Variants in NAALADL2 observed in about 807,000 individuals in gnomAD.
NAALADL2 encodes the protein inactive N-acetylated-alpha-linked acidic dipeptidase-like protein 2.
In NAALADL2, 76 loss-of-function variants were observed where a neutral mutation model predicts 87.2. The observed-to-expected ratio is 0.87, with a 90% CI of 0.72 to 1.05. The LOEUF (loss-of-function observed/expected upper bound fraction) is 1.05, where lower values mean the gene tolerates loss of function less well. Among genes scored for constraint, NAALADL2 ranks in the 50% least tolerant of loss-of-function variants. The probability of loss-of-function intolerance (pLI) is 0.00; values close to 1 mark genes in which losing one functional copy is unlikely to be tolerated. For synonymous variants in NAALADL2, 354 were observed against 331.0 expected (o/e 1.07, Z -0.75); for missense variants, 1,089 against 945.8 (o/e 1.15, Z -1.99).
intron 9 of NAALADL2, among the ~76,000 whole-genome samples, chr3:175,495,101 T>TA (rs1553910152): frequency 6.7e-6 from 1 of 148,728 alleles, no homozygotes; most frequent in Non-Finnish European, 1.5e-5. Flanking sequence ...TATTTTTTTT[T>TA]AATTTTAGAT....
chr3:174,826,228 A>C (rs1420535565), intron 3 of NAALADL2, among the ~76,000 whole-genome samples: 1 of 152,196 alleles, frequency 6.6e-6, no homozygotes, highest in Non-Finnish European at 1.5e-5. Flanking sequence ...TCCAACTAGA[A>C]AGTAACCTTG....
chr3:175,505,190 A>C (rs1730126829), intron 9 of NAALADL2, among the ~76,000 whole-genome samples: 1 of 151,688 alleles, frequency 6.6e-6, no homozygotes, highest in South Asian at 2.1e-4. Context: ...GCTTGAGCTC[A>C]GGAGTTCAGT....
At chr3:175,317,914 G>T (rs2110363590) in intron 4 of NAALADL2, among the ~76,000 whole-genome samples, 1 of 152,188 alleles carries the variant, frequency 6.6e-6, no homozygotes, top group Non-Finnish European at 1.5e-5. Flanking sequence ...ATCAAAAAAT[G>T]AATGATTTGA....
chr3:175,581,050 C>A, intron 10 of NAALADL2: 1 of 229,800 alleles, frequency 4.4e-6, no homozygotes, highest in Non-Finnish European at 9.2e-6. Context: ...CTAATACAAA[C>A]TAATGAAAAT....
At chr3:175,165,563 G>T (rs1027703365) in intron 2 of NAALADL2, among the ~76,000 whole-genome samples, 4 of 152,050 alleles carry the variant, frequency 2.6e-5, no homozygotes, top group African/African-American at 9.7e-5. Flanking sequence ...ATATAATGGT[G>T]GTAAGACCAT....
chr3:174,871,915 T>A (rs1275982943), intron 1 of NAALADL2, among the ~76,000 whole-genome samples: 1 of 151,968 alleles, frequency 6.6e-6, no homozygotes, highest in East Asian at 1.9e-4. Flanking sequence ...AATAAATAAA[T>A]AAATAAATAC....
chr3:175,745,985 C>G (rs1745867727), intron 12 of NAALADL2, among the ~76,000 whole-genome samples: 1 of 152,052 alleles, frequency 6.6e-6, no homozygotes, highest in African/African-American at 2.4e-5. Flanking sequence ...AAGTAATTTT[C>G]ATTTGATCTA....
chr3:175,347,580 C>A (rs1394267443), intron 5 of NAALADL2, among the ~76,000 whole-genome samples: 1 of 151,982 alleles, frequency 6.6e-6, no homozygotes, highest in East Asian at 1.9e-4. Flanking sequence ...CACCACCCCC[C>A]AAAATAACAA....
intron 1 of NAALADL2, chr3:174,523,389 A>G (rs890275437): frequency 2.0e-5 from 3 of 152,218 alleles, no homozygotes; most frequent in African/African-American, 7.2e-5. Context: ...TTTTATATTC[A>G]TAACTCTTTT....
chr3:174,768,957 CTT>C (rs1445071353), intron 3 of NAALADL2, among the ~76,000 whole-genome samples: 4 of 151,858 alleles, frequency 2.6e-5, no homozygotes, highest in African/African-American at 9.6e-5. Context: ...ATTTCATTAA[CTT>C]ATCGCTATGG....
chr3:175,338,400 G>T (rs1018135041), intron 5 of NAALADL2, among the ~76,000 whole-genome samples: 2 of 151,390 alleles, frequency 1.3e-5, no homozygotes, highest in Non-Finnish European at 2.9e-5. Flanking sequence ...GCTGCAGGGC[G>T]GTATAAAAAG....
At chr3:175,488,987 G>T (rs1305968969) in intron 9 of NAALADL2, among the ~76,000 whole-genome samples, 2 of 152,142 alleles carry the variant, frequency 1.3e-5, no homozygotes, top group Non-Finnish European at 2.9e-5. Flanking sequence ...GGCAGCAGTT[G>T]CTGGGGCTTA....
At chr3:175,015,093 G>A (rs146437423) in intron 1 of NAALADL2, among the ~76,000 whole-genome samples, 30 of 152,086 alleles carry the variant, frequency 2.0e-4, no homozygotes, top group South Asian at 8.3e-4. Flanking sequence ...TCATGGAAGC[G>A]TAGACATATA....
intron 13 of NAALADL2, among the ~76,000 whole-genome samples, chr3:175,766,899 A>T (rs1020821062): frequency 6.6e-6 from 1 of 152,190 alleles, no homozygotes; most frequent in African/African-American, 2.4e-5. Context: ...ATAAGAAAGT[A>T]GATCTGTAAG....
At position 174,680,817 on chromosome 3, in the gene NAALADL2, G is replaced by T. The variant is rs571404748; in HGVS notation, c.-114-56824G>T. 9.2e-5 allele frequency among the ~76,000 whole-genome samples: 14 copies of T among 152,154 alleles called. No individual in the cohort carries two copies. The East Asian group carries it at 2.1e-3, about 23-fold the overall frequency. On this transcript the variant is annotated intron_variant, in intron 2 of 3. Coordinates refer to the NAALADL2 transcript ENST00000434257. ...GCCTCCACTGATTGTCCTCCCCACA[G>T]GAACACCAAATTTAATAACTATACA... is the stretch of plus-strand genomic sequence containing the variant.
At chr3:174,687,411 TTTAC>T (rs1335640871) in intron 2 of NAALADL2, among the ~76,000 whole-genome samples, 1 of 152,118 alleles carries the variant, frequency 6.6e-6, no homozygotes, top group East Asian at 1.9e-4. Flanking sequence ...ATATCAAATG[TTTAC>T]TTGTTTATTA....
At chr3:174,494,894 TG>T in intron 1 of NAALADL2, among the ~76,000 whole-genome samples, 1 of 152,230 alleles carries the variant, frequency 6.6e-6, no homozygotes, top group African/African-American at 2.4e-5. Context: ...TTATTTAGAT[TG>T]GGGCATGATC....
Position 175,421,279 on chromosome 3 carries a change from G to T in NAALADL2, c.1091-25950G>T, listed in dbSNP as rs147369959. 8.6e-3 allele frequency among the ~76,000 whole-genome samples: 1,307 copies of T among 152,074 alleles called. 7 individuals carry two copies. The highest frequency in any genetic ancestry group is 0.015 in the Non-Finnish European group (1,029 of 67,952). ...ATGCTCTACCTTTCAAATGGTTCTCGTAGCATTGTTCACACAGCAGCAGTA... is the reference window on the plus strand; with the variant it reads ...ATGCTCTACCTTTCAAATGGTTCTCTTAGCATTGTTCACACAGCAGCAGTA... On this transcript the variant is annotated intron_variant, in intron 5 of 13. Coordinates refer to ENST00000454872, the MANE Select transcript of NAALADL2 (RefSeq NM_207015.3).
At position 174,961,472 on chromosome 3, in the gene NAALADL2, G is replaced by A. The variant is rs146149026; in HGVS notation, c.43+102022G>A. 6.0e-4 allele frequency among the ~76,000 whole-genome samples: 92 copies of A among 152,128 alleles called. 1 individual carries two copies. In the Middle Eastern group the frequency reaches 0.02, roughly 34 times the overall value. On this transcript the variant is annotated intron_variant, in intron 1 of 13. Transcript: ENST00000454872. ...CAAAGTTTTGAGTGAGATGGGGAAC[G>A]TGTATTTTTCTTCTTTAAATTAATT...
Sources: gnomAD v4.1 joint callset for allele counts (sites outside exome capture counted in the v4.1 genomes callset) on GRCh38, gnomAD v4.1.1 for gene constraint, MANE v1.5 for transcripts, NCBI Gene and HGNC (gene_info 2026-07-23, HGNC 2026-07-21) for gene names.